The following LRRC37A2 variants were observed in gnomAD, a reference collection of about 807,000 sequenced individuals.
LRRC37A2 encodes leucine-rich repeat-containing protein 37A2.
A neutral mutation model predicts 68.8 loss-of-function variants in LRRC37A2; 9 were observed. The observed-to-expected ratio is 0.13, with a 90% CI of 0.08 to 0.23. The LOEUF is 0.23. LRRC37A2 is among the 10% of genes least tolerant of loss of function. The pLI is 1.00. For missense variants in LRRC37A2, 168 were observed against 950.4 expected (o/e 0.18, Z 10.82); for synonymous variants, 63 against 367.6 (o/e 0.17, Z 9.48).
the LRRC37A2 span, among the ~76,000 whole-genome samples, chr17:46,850,763 T>C: frequency 7.9e-5 from 12 of 152,298 alleles, no homozygotes; most frequent in Admixed American, 3.3e-4. Flanking sequence ...AACAGAACTT[T>C]GGGGCCCAAC....
At chr17:46,956,564 A>C in the LRRC37A2 span, among the ~76,000 whole-genome samples, 1 of 152,192 alleles carries the variant, frequency 6.6e-6, no homozygotes, top group South Asian at 2.1e-4. Flanking sequence ...GGCCTACCAA[A>C]GTGCTGGGAT....
At chr17:46,822,189 C>T in the LRRC37A2 span, among the ~76,000 whole-genome samples, 1 of 152,182 alleles carries the variant, frequency 6.6e-6, no homozygotes, top group Non-Finnish European at 1.5e-5. Context: ...GAGAGGAGGG[C>T]GTTTAACTTT....
chr17:47,038,996 T>TG, the LRRC37A2 span, among the ~76,000 whole-genome samples: 3 of 148,798 alleles, frequency 2.0e-5, no homozygotes, highest in Non-Finnish European at 4.5e-5. Flanking sequence ...GCCCAACCAG[T>TG]GCTTTTTATT....
the LRRC37A2 span, among the ~76,000 whole-genome samples, chr17:46,898,902 G>A: frequency 1.3e-5 from 2 of 152,264 alleles, no homozygotes; most frequent in South Asian, 4.1e-4. Context: ...CCCAGCAATT[G>A]CATTCCTAGG....
the LRRC37A2 span, among the ~76,000 whole-genome samples, chr17:46,458,338 A>G: frequency 2.7e-5 from 3 of 111,142 alleles, no homozygotes; most frequent in Non-Finnish European, 6.2e-5. Context: ...AGTACCCACT[A>G]GGGAACAGAA....
chr17:46,988,323 G>C, the LRRC37A2 span, among the ~76,000 whole-genome samples: 14,124 of 152,222 alleles, frequency 0.093, 745 homozygotes, highest in Middle Eastern at 0.11. Context: ...CTGGGGCTGG[G>C]GAGAGAGGTG....
chr17:46,975,812 T>G, the LRRC37A2 span, among the ~76,000 whole-genome samples: 65 of 152,260 alleles, frequency 4.3e-4, no homozygotes, highest in Non-Finnish European at 8.5e-4. Flanking sequence ...GTGTCCCCAC[T>G]AAGGCTTTCC....
chr17:46,762,040 A>G, the LRRC37A2 span, among the ~76,000 whole-genome samples: 1 of 152,368 alleles, frequency 6.6e-6, no homozygotes, highest in African/African-American at 2.4e-5. Context: ...TAGCTCTCAC[A>G]GTGGAGCTAG....
chr17:46,479,994 CTTGT>C, the LRRC37A2 span, among the ~76,000 whole-genome samples: 4 of 100,934 alleles, frequency 4.0e-5, 2 homozygotes, highest in East Asian at 5.0e-4. Flanking sequence ...TTTATTCTTC[CTTGT>C]TTGTTTGTTT....
chr17:46,882,828 G>C, the LRRC37A2 span, among the ~76,000 whole-genome samples: 1 of 152,166 alleles, frequency 6.6e-6, no homozygotes, highest in East Asian at 1.9e-4. Flanking sequence ...TCCCAGACAA[G>C]GGGAGAGACA....
chr17:46,887,859 G>A, the LRRC37A2 span, among the ~76,000 whole-genome samples: 2 of 152,148 alleles, frequency 1.3e-5, no homozygotes, highest in Non-Finnish European at 2.9e-5. Flanking sequence ...CTGGGCCCCA[G>A]GGATGAAGCA....
chr17:46,768,077 C>T, the LRRC37A2 span, among the ~76,000 whole-genome samples: 1 of 152,194 alleles, frequency 6.6e-6, no homozygotes, highest in Non-Finnish European at 1.5e-5. This position sits in a 1 kb window ranked among gnomAD's most constrained non-coding sequence, Gnocchi z 5.0. Context: ...CGTGAGCCAC[C>T]GCACCCGGCC....
chr17:47,014,484 GA>G, the LRRC37A2 span, among the ~76,000 whole-genome samples: 2 of 152,126 alleles, frequency 1.3e-5, no homozygotes, highest in Non-Finnish European at 2.9e-5. Context: ...GCAGAATTTG[GA>G]GGATAATTTG....
the LRRC37A2 span, among the ~76,000 whole-genome samples, chr17:46,485,702 CG>C: frequency 4.5e-5 from 2 of 44,654 alleles, no homozygotes; most frequent in African/African-American, 1.9e-4. Context: ...TAAAATTGTC[CG>C]GGCGTGGTGG....
the LRRC37A2 span, among the ~76,000 whole-genome samples, chr17:46,686,070 GA>G: frequency 7.8e-4 from 48 of 61,410 alleles, no homozygotes; most frequent in African/African-American, 2.8e-3. Context: ...CAACCTTGAA[GA>G]AAAAAAAAAC....
chr17:46,833,790 G>A, the LRRC37A2 span, among the ~76,000 whole-genome samples: 5 of 152,284 alleles, frequency 3.3e-5, no homozygotes, highest in South Asian at 2.1e-4. Context: ...AGAAACTGCT[G>A]GGGGCTCCTG....
the LRRC37A2 span, among the ~76,000 whole-genome samples, chr17:46,894,293 T>A: frequency 6.4e-4 from 97 of 152,268 alleles, 1 homozygote; most frequent in Non-Finnish European, 3.8e-4. Context: ...CAGCGGGCAA[T>A]GTGATTGACT....
chr17:46,502,933 C>A, the LRRC37A2 span, among the ~76,000 whole-genome samples: 1 of 150,556 alleles, frequency 6.6e-6, no homozygotes, highest in South Asian at 2.1e-4. Flanking sequence ...GTCTTCATTG[C>A]CAGGCGTGGT....
At chr17:46,720,221 G>A in the LRRC37A2 span, among the ~76,000 whole-genome samples, 9 of 152,220 alleles carry the variant, frequency 5.9e-5, no homozygotes, top group Non-Finnish European at 1.3e-4. Context: ...TTAGCTGAGA[G>A]AAGTGGGCAC....
Sources: allele counts gnomAD v4.1 joint callset (sites outside exome capture counted in the v4.1 genomes callset), GRCh38; gene constraint gnomAD v4.1.1; non-coding constraint Gnocchi (gnomAD v3.1); transcripts MANE v1.5; gene names NCBI Gene and HGNC (gene_info 2026-07-23, HGNC 2026-07-21).